Variants in UNC5D observed in about 807,000 individuals in gnomAD.
The protein encoded by UNC5D is netrin receptor UNC5D.
A neutral mutation model predicts 105.4 loss-of-function variants in UNC5D; 39 were observed. That is an observed-to-expected ratio of 0.37 (90% CI 0.29 to 0.48). The LOEUF is 0.48. Ranked by LOEUF, UNC5D falls within the 20% of genes least tolerant of loss-of-function variation. UNC5D has a pLI of 0.98. For missense variants in UNC5D, 991 were observed against 1,202.4 expected, an observed-to-expected ratio of 0.82 and a Z score of 2.60; for synonymous variants, 452 against 450.4, an observed-to-expected ratio of 1.00 and a Z score of -0.04.
intron 3 of UNC5D, among the ~76,000 whole-genome samples, chr8:35,570,915 A>G (rs150121637): frequency 0.028 from 4,277 of 152,160 alleles, 195 homozygotes; most frequent in African/African-American, 0.097. Context: ...CTGAGATCAC[A>G]CCATTGTACT....
At chr8:35,311,310 C>A (rs1350543816) in intron 1 of UNC5D, among the ~76,000 whole-genome samples, 2 of 152,040 alleles carry the variant, frequency 1.3e-5, no homozygotes, top group Non-Finnish European at 2.9e-5. Flanking sequence ...AAGTCTGGAC[C>A]ATGGAAGATG....
At position 35,359,083 on chromosome 8, in the gene UNC5D, C is replaced by T. The variant is rs549176401; in HGVS notation, c.103+123196C>T. ...GGAGGATCACTTGAGCCCAGTAGTT[C>T]GACGCTGCAATCAGCTGTGATTGCA... On this transcript the variant is annotated intron_variant, in intron 1 of 16. Transcript: ENST00000404895. Among the ~76,000 whole-genome samples, 11 of 152,092 alleles carry T rather than the reference C, an allele frequency of 7.2e-5. No individual in the cohort carries two copies. The South Asian group carries it at 1.0e-3, about 14-fold the overall frequency.
chr8:35,525,786 C>T, intron 1 of UNC5D: 1 of 1,494,142 alleles, frequency 6.7e-7, no homozygotes, highest in Admixed American at 2.5e-5. Flanking sequence ...GTAATGTGCT[C>T]TTTTAACTAA....
chr8:35,648,661 A>G (rs912619643), intron 4 of UNC5D, among the ~76,000 whole-genome samples: 2 of 141,534 alleles, frequency 1.4e-5, no homozygotes, highest in African/African-American at 5.7e-5. Context: ...CCTGGTCAAC[A>G]GAGTGAGAGT....
chr8:35,647,623 C>T (rs1823138105), intron 4 of UNC5D, among the ~76,000 whole-genome samples: 1 of 151,686 alleles, frequency 6.6e-6, no homozygotes, highest in African/African-American at 2.4e-5. Context: ...GAAATGACTG[C>T]TATATAGACA....
chr8:35,473,797 G>T (rs1376143353), intron 1 of UNC5D, among the ~76,000 whole-genome samples: 2 of 150,662 alleles, frequency 1.3e-5, no homozygotes, highest in Non-Finnish European at 3.0e-5. Context: ...GTGTCTTTGT[G>T]TTGCTATAAC....
intron 4 of UNC5D, among the ~76,000 whole-genome samples, chr8:35,609,427 C>G (rs1820533270): frequency 6.6e-6 from 1 of 152,186 alleles, no homozygotes; most frequent in African/African-American, 2.4e-5. Context: ...CTATCAGCAT[C>G]TATGTTTTTG....
At chr8:35,720,019 G>T (rs1439997638) in intron 8 of UNC5D, among the ~76,000 whole-genome samples, 4 of 152,168 alleles carry the variant, frequency 2.6e-5, no homozygotes, top group African/African-American at 9.7e-5. Context: ...TGGTCTGCAG[G>T]CATACATAGG....
At position 35,792,156 on chromosome 8, in the gene UNC5D, G is replaced by T. The variant is rs1803074163; in HGVS notation, c.*1593G>T. ...GGGAGTTGGGGAGTACTTGGCAGTT[G>T]GGATATGATCCATTTTTTTAAACAA... On this transcript the variant is annotated 3_prime_UTR_variant, in exon 17 of 17. Coordinates refer to ENST00000404895, the MANE Select transcript of UNC5D (RefSeq NM_080872.4). 1.3e-5 allele frequency: 2 copies of T among 152,012 alleles called. No homozygotes were observed. Among genetic ancestry groups the T allele is most frequent in the African/African-American group, 2.4e-5 (1 of 41,382 alleles). The allele number at this position is 152,012 out of a possible 1,614,324, so 9.4% of individuals were successfully genotyped here.
Position 35,549,427 on chromosome 8 carries a change from C to T in UNC5D, c.239C>T (p.Ala80Val). 2 of 1,613,172 alleles carry T rather than the reference C, an allele frequency of 1.2e-6. No homozygotes were observed. Among genetic ancestry groups the T allele is most frequent in the Non-Finnish European group, 1.7e-6 (2 of 1,180,028 alleles). The change falls in exon 2 of 17, where the codon GCC becomes GTC. Residue 80 changes from alanine to valine, a missense_variant. Transcript: ENST00000404895. ...PIALRCKARP[A>V]MQIFFKCNGE... ...GCACTCAGGTGCAAAGCGAGGCCAG[C>T]CATGCAGATATTCTTCAAATGCAAC...
At chr8:35,788,699 C>T (rs755013617) in intron 16 of UNC5D, among the ~76,000 whole-genome samples, 5 of 151,470 alleles carry the variant, frequency 3.3e-5, no homozygotes, top group African/African-American at 7.3e-5. Context: ...AACACACACA[C>T]GCACACACAC....
intron 11 of UNC5D, among the ~76,000 whole-genome samples, chr8:35,741,430 A>G (rs975699335): frequency 6.6e-6 from 1 of 152,068 alleles, no homozygotes; most frequent in African/African-American, 2.4e-5. Flanking sequence ...ATATGCTTCT[A>G]TCCTCAGTGA....
intron 1 of UNC5D, among the ~76,000 whole-genome samples, chr8:35,424,909 T>C (rs1321013868): frequency 6.6e-6 from 1 of 152,222 alleles, no homozygotes; most frequent in Non-Finnish European, 1.5e-5. Flanking sequence ...GCTGACTTGT[T>C]TTCTCCATTT....
chr8:35,464,865 T>C (rs1002993709), intron 1 of UNC5D, among the ~76,000 whole-genome samples: 2 of 152,226 alleles, frequency 1.3e-5, no homozygotes, highest in African/African-American at 4.8e-5. Context: ...TTTGAAATCC[T>C]CTTCTTCCCC....
At chr8:35,520,850 G>A (rs1207574227) in intron 1 of UNC5D, among the ~76,000 whole-genome samples, 1 of 152,106 alleles carries the variant, frequency 6.6e-6, no homozygotes, top group Non-Finnish European at 1.5e-5. Context: ...TGGATTTATT[G>A]TCCTGCTTTG....
chr8:35,748,008 A>C (rs917283291), intron 11 of UNC5D, among the ~76,000 whole-genome samples: 1 of 152,248 alleles, frequency 6.6e-6, no homozygotes, highest in Non-Finnish European at 1.5e-5. Context: ...AAATGTTTTC[A>C]AAGCCAGAAT....
chr8:35,321,506 C>T (rs961917613), intron 1 of UNC5D, among the ~76,000 whole-genome samples: 1 of 152,122 alleles, frequency 6.6e-6, no homozygotes, highest in Non-Finnish European at 1.5e-5. Context: ...CTTGCTTCCC[C>T]TTTGCCTTCC....
intron 1 of UNC5D, among the ~76,000 whole-genome samples, chr8:35,283,161 G>C (rs1220547919): frequency 6.6e-6 from 1 of 152,160 alleles, no homozygotes; most frequent in East Asian, 1.9e-4. Context: ...ACTATGTCAT[G>C]TACAAAGGAG....
intron 1 of UNC5D, among the ~76,000 whole-genome samples, chr8:35,476,164 G>A (rs1810082629): frequency 2.0e-5 from 3 of 152,126 alleles, no homozygotes; most frequent in Non-Finnish European, 2.9e-5. Flanking sequence ...TGTTGGGTTA[G>A]GGCCATTATT....
Sources: allele counts gnomAD v4.1 joint callset (sites outside exome capture counted in the v4.1 genomes callset), GRCh38; gene constraint gnomAD v4.1.1; transcripts MANE v1.5; gene names NCBI Gene and HGNC (gene_info 2026-07-23, HGNC 2026-07-21).